Variants in SLC2A14 observed in about 807,000 individuals in gnomAD.
SLC2A14 encodes solute carrier family 2 member 14, also known as solute carrier family 2, facilitated glucose transporter member 14.
SLC2A14 carries 13 observed loss-of-function variants against 43.0 expected under a neutral mutation model. That is an observed-to-expected ratio of 0.30 (90% CI 0.20 to 0.48). SLC2A14 has a LOEUF of 0.48. Among genes scored for constraint, SLC2A14 ranks in the 20% least tolerant of loss-of-function variants. SLC2A14 has a pLI of 0.99. For synonymous variants in SLC2A14, 190 were observed against 233.8 expected (o/e 0.81, Z 1.71); for missense variants, 428 against 620.4 (o/e 0.69, Z 3.29).
At chr12:7,884,113 CG>C (rs1427825455) in intron 1 of SLC2A14, among the ~76,000 whole-genome samples, 3 of 151,430 alleles carry the variant, frequency 2.0e-5, no homozygotes, top group African/African-American at 4.9e-5. Context: ...TTAGTAGAAA[CG>C]GGGTTTCACC....
chr12:7,870,136 A>C (rs927589109), intron 1 of SLC2A14, among the ~76,000 whole-genome samples, 199 bp from the exon 2 acceptor site: 5 of 152,152 alleles, frequency 3.3e-5, no homozygotes, highest in Non-Finnish European at 5.9e-5. Flanking sequence ...CTACTCATTC[A>C]GTAGCCATTG....
chr12:7,827,897 T>C (rs1341938920), intron 6 of SLC2A14, among the ~76,000 whole-genome samples: 1 of 152,110 alleles, frequency 6.6e-6, no homozygotes, highest in African/African-American at 2.4e-5. Context: ...TCCCAGCATT[T>C]TGTGAGGCCG....
chr12:7,829,432 C>A (rs1022521259), intron 5 of SLC2A14, among the ~76,000 whole-genome samples: 1 of 151,402 alleles, frequency 6.6e-6, no homozygotes, highest in Non-Finnish European at 1.5e-5. Flanking sequence ...TGGTGGTGCA[C>A]ACCTGTAATC....
At chr12:7,840,067 G>T (rs1437508898) in intron 2 of SLC2A14, 2 of 258,228 alleles carry the variant, frequency 7.7e-6, no homozygotes, top group Non-Finnish European at 1.5e-5. Context: ...AGCTATGATT[G>T]CACCACTGAA....
chr12:7,829,548 C>T (rs1342898953), intron 5 of SLC2A14, among the ~76,000 whole-genome samples: 1 of 122,556 alleles, frequency 8.2e-6, no homozygotes, highest in Non-Finnish European at 1.7e-5. Context: ...GAGTGAAACT[C>T]CCTCTCAAAA....
At chr12:7,846,317 T>C (rs1934147795) in intron 2 of SLC2A14, among the ~76,000 whole-genome samples, 1 of 152,010 alleles carries the variant, frequency 6.6e-6, no homozygotes, top group Middle Eastern at 3.4e-3. Context: ...GATATTTATA[T>C]AATTTAAAGA....
At chr12:7,871,760 A>C (rs779211807) in intron 1 of SLC2A14, 1 of 280,906 alleles carries the variant, frequency 3.6e-6, no homozygotes. Flanking sequence ...CTGAGATCCA[A>C]TACCATTTCA....
At chr12:7,836,827 A>T (rs1475361240) in intron 2 of SLC2A14, among the ~76,000 whole-genome samples, 1 of 150,678 alleles carries the variant, frequency 6.6e-6, no homozygotes, top group Non-Finnish European at 1.5e-5. Context: ...CCAAGTGTTC[A>T]ATTTTACAAA....
chr12:7,836,393 T>G (rs1865464868), intron 2 of SLC2A14, among the ~76,000 whole-genome samples: 1 of 152,130 alleles, frequency 6.6e-6, no homozygotes, highest in Non-Finnish European at 1.5e-5. Context: ...GCTAATTTTT[T>G]GTATTTTTAG....
chr12:7,873,154 A>G (rs1265223676), upstream of SLC2A14: 3 of 985,510 alleles, frequency 3.0e-6, no homozygotes, highest in Non-Finnish European at 3.6e-6. Flanking sequence ...TCTTCCTGCG[A>G]CCGGGCGGGG....
chr12:7,859,948 C>T (rs748821839), intron 2 of SLC2A14, among the ~76,000 whole-genome samples: 5 of 152,194 alleles, frequency 3.3e-5, no homozygotes, highest in East Asian at 1.9e-4. Flanking sequence ...GAGAAATAGA[C>T]TTGGAAAGAT....
intron 1 of SLC2A14, among the ~76,000 whole-genome samples, chr12:7,883,035 C>T (rs924240616): frequency 6.6e-6 from 1 of 151,300 alleles, no homozygotes; most frequent in African/African-American, 2.4e-5. Context: ...ATGGTGAAAC[C>T]CTGTCTCTAC....
intron 2 of SLC2A14, among the ~76,000 whole-genome samples, chr12:7,864,970 A>AT (rs1944829812): frequency 6.6e-6 from 1 of 152,102 alleles, no homozygotes; most frequent in Admixed American, 6.6e-5. Context: ...CACTACAGGT[A>AT]TATCTCGCTT....
intron 1 of SLC2A14, among the ~76,000 whole-genome samples, chr12:7,883,552 C>T (rs1163558629): frequency 6.6e-6 from 1 of 150,550 alleles, no homozygotes; most frequent in African/African-American, 2.4e-5. Context: ...AGGCATGAGC[C>T]ACCACGCCCG....
intron 7 of SLC2A14, among the ~76,000 whole-genome samples, chr12:7,823,182 A>G (rs1297881010): frequency 2.0e-5 from 3 of 151,976 alleles, no homozygotes. Flanking sequence ...CAGGAGTTCA[A>G]GACCAGCCTA....
At chr12:7,877,856 C>T (rs756458913), upstream of SLC2A14, among the ~76,000 whole-genome samples, 51 of 152,126 alleles carry the variant, frequency 3.4e-4, no homozygotes, top group Non-Finnish European at 6.0e-4. Flanking sequence ...AATTCTCTTG[C>T]ACCAGCCTAC....
chr12:7,837,735 AC>A (rs1865577696), intron 2 of SLC2A14, among the ~76,000 whole-genome samples: 1 of 148,390 alleles, frequency 6.7e-6, no homozygotes, highest in Non-Finnish European at 1.5e-5. Flanking sequence ...TTACTGGCAT[AC>A]ACCACCACGA....
chr12:7,870,874 C>A, intron 1 of SLC2A14: 1 of 1,262,754 alleles, frequency 7.9e-7, no homozygotes, highest in Non-Finnish European at 1.0e-6. Context: ...TGGACCAAAG[C>A]CAAGACCACC....
At chr12:7,814,965 A>C (rs920713750) in intron 10 of SLC2A14, among the ~76,000 whole-genome samples, 1 of 151,858 alleles carries the variant, frequency 6.6e-6, no homozygotes, top group Non-Finnish European at 1.5e-5. Flanking sequence ...ACGCCTGGCT[A>C]ATTTTTGTAT....
Sources: gnomAD v4.1 joint callset for allele counts (sites outside exome capture counted in the v4.1 genomes callset) on GRCh38, gnomAD v4.1.1 for gene constraint, MANE v1.5 for transcripts, NCBI Gene and HGNC (gene_info 2026-07-23, HGNC 2026-07-21) for gene names.